The following ZNF831 variants were observed in gnomAD, a reference collection of about 807,000 sequenced individuals.
ZNF831 encodes zinc finger protein 831.
In ZNF831, 59 loss-of-function variants were observed where a neutral mutation model predicts 95.8. That is an observed-to-expected ratio of 0.62 (90% CI 0.50 to 0.77). The LOEUF is 0.77. Ranked by LOEUF, ZNF831 falls within the 30% of genes least tolerant of loss-of-function variation. The pLI, the probability that ZNF831 is intolerant of heterozygous loss-of-function variation, is 0.00. For synonymous variants in ZNF831, 961 were observed against 925.5 expected, an observed-to-expected ratio of 1.04 and a Z score of -0.70; for missense variants, 2,205 against 2,164.0, an observed-to-expected ratio of 1.02 and a Z score of -0.38.
rs138417368 is a variant in ZNF831 at position 59,217,366 on chromosome 20, C to T, written c.4027+10310C>T. On this transcript the variant is annotated intron_variant, in intron 4 of 5. Transcript: ENST00000371030. The surrounding 1 kb of genome is among the most constrained non-coding windows in gnomAD (Gnocchi z 4.4). ...ATTTATGAAGCCATTCTCCTATTAA[C>T]GAAGAGTTTGGTCATCACCAGTGTT... is the stretch of plus-strand genomic sequence containing the variant. Among the ~76,000 whole-genome samples, 2 of 152,344 alleles carry T rather than the reference C, an allele frequency of 1.3e-5. No homozygotes were observed. Among genetic ancestry groups the T allele is most frequent in the African/African-American group, 4.8e-5 (2 of 41,580 alleles).
chr20:59,234,022 G>C (rs1163009608), intron 4 of ZNF831, among the ~76,000 whole-genome samples: 2 of 152,184 alleles, frequency 1.3e-5, no homozygotes, highest in African/African-American at 4.8e-5. Context: ...TTTCTACTAT[G>C]GGCTTTTAGG....
At chr20:59,219,001 A>C (rs1373550561) in intron 4 of ZNF831, among the ~76,000 whole-genome samples, 1 of 152,152 alleles carries the variant, frequency 6.6e-6, no homozygotes, top group Non-Finnish European at 1.5e-5. Flanking sequence ...TGACAGAGTG[A>C]GACTCTGTCT....
chr20:59,186,549 G>A (rs1983057207), intron 1 of ZNF831, among the ~76,000 whole-genome samples: 2 of 152,196 alleles, frequency 1.3e-5, no homozygotes, highest in East Asian at 1.9e-4. Context: ...TAGAGATGAG[G>A]AAACAGTCTC....
At chr20:59,152,343 T>C (rs539597833) in intron 2 of ZNF831, among the ~76,000 whole-genome samples, 1 of 151,774 alleles carries the variant, frequency 6.6e-6, no homozygotes, top group South Asian at 2.1e-4. Context: ...GGGTTGGGGG[T>C]TTCCAGAGGC....
rs770514056 is a variant in ZNF831, at chr20:59,206,915, A to T, written c.3886A>T (p.Asn1296Tyr). ...LKINPKRYKG[N>Y]FLQSCVQLRA... is the part of the protein sequence containing the mutation. ...TTCTCTCTTCTACAGGTACAAAGGG[A>T]ATTTCTTGCAGAGCTGTGTTCAGCT... Residue 1296 changes from asparagine to tyrosine, a missense_variant, in exon 4 of 6, where the codon AAT becomes TAT. By Grantham distance (143) the Asn-to-Tyr change is moderately radical. Coordinates refer to ENST00000371030, the MANE Select transcript of ZNF831 (RefSeq NM_178457.3). 1.9e-6 allele frequency: 3 copies of T among 1,613,866 alleles called. No homozygotes were observed. In the South Asian group the frequency reaches 3.3e-5, roughly 18 times the overall value.
intron 4 of ZNF831, among the ~76,000 whole-genome samples, chr20:59,213,836 T>A (rs1985502920): frequency 6.6e-6 from 1 of 152,216 alleles, no homozygotes; most frequent in Admixed American, 6.5e-5. Flanking sequence ...ACCTCCGTTT[T>A]ATGGATGGAA....
At position 59,255,570 on chromosome 20, in the gene ZNF831, G is replaced by A. The variant is rs764679932; in HGVS notation, c.*827G>A. 7 of 152,126 alleles carry A rather than the reference G, an allele frequency of 4.6e-5. No homozygotes were observed. Among genetic ancestry groups the A allele is most frequent in the Non-Finnish European group, 1.0e-4 (7 of 68,004 alleles). The allele number at this position is 152,126 out of a possible 1,614,324, so 9.4% of individuals were successfully genotyped here. On this transcript the variant is annotated 3_prime_UTR_variant, in exon 6 of 6. Coordinates refer to ENST00000371030, the MANE Select transcript of ZNF831 (RefSeq NM_178457.3). ...GTCTCTCTGTAATGAGTCATTTTTT[G>A]AGAGGGAAAAATTCACTTATTTTCC...
intron 1 of ZNF831, among the ~76,000 whole-genome samples, chr20:59,175,794 C>T (rs1601335446): frequency 6.6e-6 from 1 of 152,122 alleles, no homozygotes; most frequent in South Asian, 2.1e-4. Flanking sequence ...CTTCTTGGTT[C>T]GTGGTATGAC....
intron 4 of ZNF831, among the ~76,000 whole-genome samples, chr20:59,250,202 A>T (rs1053663808): frequency 1.3e-5 from 2 of 152,212 alleles, no homozygotes; most frequent in African/African-American, 4.8e-5. Flanking sequence ...CACTTGGCAT[A>T]ATTAGTTCAG....
Position 59,193,411 on chromosome 20 carries a change from A to T in ZNF831, c.2392A>T (p.Thr798Ser), listed in dbSNP as rs751765836. 6.3e-7 allele frequency: 1 copy of T among 1,597,668 alleles called. No individual in the cohort carries two copies. The highest frequency in any genetic ancestry group is 8.5e-7 in the Non-Finnish European group (1 of 1,172,548). The change falls in exon 2 of 6, where the codon ACC (threonine) becomes TCC (serine). Residue 798 changes from threonine to serine, a missense_variant. Coordinates refer to ENST00000371030, the MANE Select transcript of ZNF831 (RefSeq NM_178457.3). ...GARGVGDVQE[T>S]CLWAQTVLRW... Reference sequence around the variant, plus strand: ...CCGAGGTGTGGGGGATGTTCAGGAGACCTGCCTGTGGGCCCAGACTGTCCT... The same window carrying T: ...CCGAGGTGTGGGGGATGTTCAGGAGTCCTGCCTGTGGGCCCAGACTGTCCT...
chr20:59,132,289 CTTT>C (rs11477187), intron 1 of ZNF831, among the ~76,000 whole-genome samples: 36 of 116,530 alleles, frequency 3.1e-4, no homozygotes, highest in Non-Finnish European at 4.1e-4. Context: ...AGGTTTAACT[CTTT>C]TTTTTTTTTT....
At chr20:59,139,083 T>C (rs755311886) in intron 1 of ZNF831, among the ~76,000 whole-genome samples, 2 of 152,210 alleles carry the variant, frequency 1.3e-5, no homozygotes, top group Non-Finnish European at 2.9e-5. Flanking sequence ...TGACAATTTA[T>C]AAATAAAGTG....
rs537344386 is a variant in ZNF831, at chr20:59,139,479, A to G, written c.-1424-6752A>G. ...GAAATCAGGATGGCTCTTAGAGTCC[A>G]CAGTGTGCTATTCAGGCCATGACAC... On this transcript the variant is annotated intron_variant, in intron 1 of 7. Coordinates refer to the ZNF831 transcript ENST00000637017. Among the ~76,000 whole-genome samples, 5 of 152,326 alleles carry G rather than the reference A, an allele frequency of 3.3e-5. No individual in the cohort carries two copies. In the East Asian group the frequency reaches 9.6e-4, roughly 29 times the overall value.
At chr20:59,174,467 C>T (rs1001626648) in intron 1 of ZNF831, among the ~76,000 whole-genome samples, 10 of 152,238 alleles carry the variant, frequency 6.6e-5, no homozygotes, top group Admixed American at 1.3e-4. Flanking sequence ...TATGCCCTCA[C>T]ATTTAGAATT....
At position 59,191,676 on chromosome 20, in the gene ZNF831, G is replaced by C. The variant is rs930507716; in HGVS notation, c.657G>C (p.Lys219Asn). The change falls in exon 2 of 6, where the codon AAG becomes AAC. Residue 219 changes from lysine (K) to asparagine (N), a missense_variant. Lys to Asn is a moderately conservative substitution (Grantham distance 94). Coordinates refer to ENST00000371030, the MANE Select transcript of ZNF831 (RefSeq NM_178457.3). The stretch of plus-strand genomic sequence containing the variant: ...GCGGCCTCCTGGAGGAAGGGGACAA[G>C]GCCGGAGAGCCCCCCAGACCAGAGG... ...AGGGLLEEGD[K>N]AGEPPRPEGR... 4 of 1,559,424 alleles carry C rather than the reference G, an allele frequency of 2.6e-6. No individual in the cohort carries two copies. Among genetic ancestry groups the C allele is most frequent in the Non-Finnish European group, 3.5e-6 (4 of 1,152,936 alleles).
chr20:59,156,193 A>G (rs1381562718), intron 2 of ZNF831, among the ~76,000 whole-genome samples: 1 of 152,190 alleles, frequency 6.6e-6, no homozygotes. Context: ...CTTTATTATT[A>G]TCTGTGGCCA....
Position 59,191,637 on chromosome 20 carries a change from C to A in ZNF831, c.618C>A (p.Ser206=), listed in dbSNP as rs772184159. 1 of 1,571,748 alleles carries A rather than the reference C, an allele frequency of 6.4e-7. No individual in the cohort carries two copies. The highest frequency in any genetic ancestry group is 1.4e-5 in the African/African-American group (1 of 74,050). ...HLNNSRLSSE[S]EGAGGGLLEE... Reference sequence around the variant, plus strand: ...ACAACTCCCGGCTGTCCTCAGAGTCCGAGGGCGCCGGGGGCGGCCTCCTGG... The same window carrying A: ...ACAACTCCCGGCTGTCCTCAGAGTCAGAGGGCGCCGGGGGCGGCCTCCTGG... The change falls in exon 2 of 6, where the codon TCC becomes TCA. Residue 206 remains serine (S), a synonymous_variant. Coordinates refer to ENST00000371030, the MANE Select transcript of ZNF831 (RefSeq NM_178457.3).
At chr20:59,240,602 C>T (rs1163547602) in intron 4 of ZNF831, among the ~76,000 whole-genome samples, 1 of 151,838 alleles carries the variant, frequency 6.6e-6, no homozygotes, top group East Asian at 2.0e-4. Context: ...GAGATGGAGA[C>T]CATCCTGGCT....
intron 1 of ZNF831, among the ~76,000 whole-genome samples, chr20:59,126,822 G>A (rs1429144165): frequency 6.6e-6 from 1 of 152,174 alleles, no homozygotes; most frequent in Non-Finnish European, 1.5e-5. Context: ...GAAGCTCATG[G>A]GTCACTCTGG....
Sources: gnomAD v4.1 joint callset for allele counts (sites outside exome capture counted in the v4.1 genomes callset) on GRCh38, gnomAD v4.1.1 for gene constraint, Gnocchi (gnomAD v3.1) non-coding constraint, MANE v1.5 for transcripts, NCBI Gene and HGNC (gene_info 2026-07-23, HGNC 2026-07-21) for gene names.